CLUH: variants seen among roughly 807,000 people sequenced by gnomAD.
CLUH encodes CLUH binding protein of NUMT mRNA, also known as clustered mitochondria protein homolog.
In CLUH, 77 loss-of-function variants were observed where a neutral mutation model predicts 139.3. That is an observed-to-expected ratio of 0.55 (90% confidence interval 0.46 to 0.67). The LOEUF (loss-of-function observed/expected upper bound fraction) is 0.67, where lower values mean the gene tolerates loss of function less well. Among genes scored for constraint, CLUH ranks in the 30% least tolerant of loss-of-function variants. CLUH has a pLI of 0.00. For missense variants in CLUH, 1,876 were observed against 1,875.8 expected (o/e 1.00, Z 0.00); for synonymous variants, 999 against 801.6 (o/e 1.25, Z -4.16).
chr17:2,703,454 C>T lies in CLUH; in HGVS notation c.339G>A (p.Gln113=), dbSNP rs1384054163. The change falls in exon 3 of 26, where the codon CAG becomes CAA. Residue 113 remains glutamine (Q), a synonymous_variant. Transcript: ENST00000651024. This position sits in a 1 kb window ranked among gnomAD's most constrained non-coding sequence, Gnocchi z 4.2. The part of the protein sequence containing the change: ...SPQEMVQEIH[Q]VLMDREDTCH... ...ACGTGTCCTCCCGGTCCATGAGCAC[C>T]TGGTGAATCTCCTGCACCATCTCCT... The T allele has an allele frequency of 1.9e-6, 3 of 1,613,612 alleles. No individual in the cohort carries two copies. The African/African-American group carries it at 4.0e-5, about 22-fold the overall frequency.
At chr17:2,700,865 A>C (rs2070152685) in intron 7 of CLUH, 40 bp from the exon 8 acceptor site, 1 of 1,505,520 alleles carries the variant, frequency 6.6e-7, no homozygotes, top group Admixed American at 2.3e-5. Context: ...GCAGCCCACC[A>C]AGCTCAGAGC....
chr17:2,691,423 G>A (rs1460398442), intron 25 of CLUH, 186 bp downstream of exon 25: 17 of 601,832 alleles, frequency 2.8e-5, no homozygotes, highest in African/African-American at 1.9e-4. Flanking sequence ...TGAGCCGGGC[G>A]AGGTGGCGGA....
chr17:2,693,347 T>C (rs903164994), intron 19 of CLUH, among the ~76,000 whole-genome samples: 4 of 152,044 alleles, frequency 2.6e-5, no homozygotes, highest in Admixed American at 2.0e-4. Flanking sequence ...AGGGAGTCGA[T>C]ATCACGCCAC....
intron 14 of CLUH, 26 bp from the exon 15 acceptor site, chr17:2,695,306 T>TG (rs1185936000): frequency 1.9e-5 from 30 of 1,613,642 alleles, no homozygotes; most frequent in Non-Finnish European, 2.4e-5. Context: ...AGGGAGGTCT[T>TG]GGTCAGGCCC....
chr17:2,703,546 G>C lies in CLUH; in HGVS notation c.304-57C>G. ...AGAGAGCACGTAGCGGGGAGAGAAG[G>C]CCCCAACCGCCCCGGTGAGAGGCCA... On this transcript the variant is annotated intron_variant, in intron 2 of 25. Transcript: ENST00000651024. This position sits in a 1 kb window ranked among gnomAD's most constrained non-coding sequence, Gnocchi z 4.2. 4 of 1,559,344 alleles carry C rather than the reference G, an allele frequency of 2.6e-6. No individual in the cohort carries two copies. In the East Asian group the frequency reaches 9.0e-5, roughly 35 times the overall value.
At chr17:2,691,540 G>A (rs1288411139) in intron 25 of CLUH, 69 bp downstream of exon 25, 3 of 1,484,062 alleles carry the variant, frequency 2.0e-6, no homozygotes, top group Non-Finnish European at 2.8e-6. Context: ...CAGCCCGGGT[G>A]ACAGGGCGAG....
intron 14 of CLUH, 39 bp downstream of exon 14, chr17:2,695,335 C>T (rs1380011285): frequency 1.2e-6 from 2 of 1,613,134 alleles, no homozygotes; most frequent in African/African-American, 1.3e-5. Flanking sequence ...CATCCCAGTC[C>T]CACAGCTCCC....
Position 2,707,848 on chromosome 17 carries a change from G to A in CLUH, c.101-3284C>T. The A allele has an allele frequency of 1.0e-6, 1 of 985,440 alleles. No individual in the cohort carries two copies. The highest frequency in any genetic ancestry group is 1.2e-6 in the Non-Finnish European group (1 of 829,924). 61.0% of individuals were successfully genotyped at this position (985,440 alleles called of 1,614,324 possible). ...TCCTGCTGCCCCCTGCAGGTGACCT[G>A]GCTGCCAGCCCCTTCCTGGGAGTCA... On this transcript the variant is annotated intron_variant, in intron 1 of 25. Transcript: ENST00000651024. This position sits in a 1 kb window ranked among gnomAD's most constrained non-coding sequence, Gnocchi z 7.4.
rs73976572 is a variant in CLUH, at chr17:2,706,841, C to T, written c.101-2277G>A. Among the ~76,000 whole-genome samples, 1,326 of 152,246 alleles carry T rather than the reference C, an allele frequency of 8.7e-3. 28 individuals are homozygous for T. The highest frequency in any genetic ancestry group is 0.03 in the African/African-American group (1,254 of 41,534). ...AACAGCAGTTTTGAGCTATGAGATC[C>T]CAAAAGTGGGGAGTCAAATACCTAG... On this transcript the variant is annotated intron_variant, in intron 1 of 25. Transcript: ENST00000651024. This position sits in a 1 kb window ranked among gnomAD's most constrained non-coding sequence, Gnocchi z 4.6.
chr17:2,707,604 G>A lies in CLUH; in HGVS notation c.101-3040C>T. The A allele has an allele frequency of 1.0e-6, 1 of 985,394 alleles. No individual in the cohort carries two copies. Among genetic ancestry groups the A allele is most frequent in the Non-Finnish European group, 1.2e-6 (1 of 829,884 alleles). The allele number at this position is 985,394 out of a possible 1,614,324, so 61.0% of individuals were successfully genotyped here. A position where few individuals can be genotyped will look rare whatever the true frequency, so the allele number is the denominator to read the frequency against. ...TGGGGTACCTGGACCCCTCAAGATT[G>A]AGGGCCTAGGAGACTGGCTGGCAGG... On this transcript the variant is annotated intron_variant, in intron 1 of 25. Transcript: ENST00000651024. This position sits in a 1 kb window ranked among gnomAD's most constrained non-coding sequence, Gnocchi z 7.4.
chr17:2,709,290 G>C (rs734957), intron 1 of CLUH, among the ~76,000 whole-genome samples: 4,805 of 152,092 alleles, frequency 0.032, 255 homozygotes, highest in African/African-American at 0.11. Flanking sequence ...CACCCGTCCC[G>C]GGAGCCCAGG....
At chr17:2,697,249 A>C (rs956080696) in intron 10 of CLUH, among the ~76,000 whole-genome samples, 2 of 151,940 alleles carry the variant, frequency 1.3e-5, no homozygotes, top group Non-Finnish European at 2.9e-5. Flanking sequence ...AATACAAAAA[A>C]TTAGCTGGGC....
chr17:2,696,287 G>C (rs1200968044), intron 12 of CLUH, 28 bp from the exon 13 acceptor site: 20 of 1,548,838 alleles, frequency 1.3e-5, no homozygotes, highest in Non-Finnish European at 1.7e-5. Context: ...GAGAGGCTGA[G>C]CCAGGCAGTG....
intron 12 of CLUH, 59 bp from the exon 13 acceptor site, chr17:2,696,318 C>T (rs2302200): frequency 1.3e-6 from 2 of 1,513,468 alleles, no homozygotes; most frequent in South Asian, 1.2e-5. Context: ...TGCCGCCTGG[C>T]GCTGGCGGGG....
intron 10 of CLUH, 146 bp from the exon 11 acceptor site, chr17:2,697,088 C>A: frequency 3.2e-6 from 2 of 633,240 alleles, no homozygotes; most frequent in Non-Finnish European, 5.4e-6. Context: ...GCAGAAAAAC[C>A]AAGATCTCCC....
In CLUH at chr17:2,691,945, GCCC is replaced by G. The variant is rs748010980; in HGVS notation, c.3655-53_3655-51del. The G allele has an allele frequency of 1.0e-5, 12 of 1,172,288 alleles. No individual in the cohort carries two copies. The South Asian group carries it at 1.6e-4, about 15-fold the overall frequency. The allele number at this position is 1,172,288 out of a possible 1,614,324, so 72.6% of individuals were successfully genotyped here. On this transcript the variant is annotated intron_variant, in intron 23 of 25. Coordinates refer to ENST00000651024, the MANE Select transcript of CLUH (RefSeq NM_001366661.1). ...GGCCCCCCCGTGCCCCCGCGGCCCC[GCCC>G]CCGCCCCGCCACGCCCCCGCCCCGC...
At chr17:2,692,170 CG>C in intron 22 of CLUH, 73 bp from the exon 23 acceptor site, 1 of 1,483,110 alleles carries the variant, frequency 6.7e-7, no homozygotes, top group South Asian at 1.2e-5. Flanking sequence ...CTCGGGGGCC[CG>C]GGGTCTCCCG....
At chr17:2,702,926 G>A (rs2070234401) in intron 3 of CLUH, among the ~76,000 whole-genome samples, 1 of 152,058 alleles carries the variant, frequency 6.6e-6, no homozygotes, top group Admixed American at 6.6e-5. Flanking sequence ...CCAGGTTCAA[G>A]TGATTCTCCT....
intron 25 of CLUH, among the ~76,000 whole-genome samples, chr17:2,691,247 G>A (rs773881675): frequency 1.3e-5 from 2 of 152,184 alleles, no homozygotes; most frequent in East Asian, 1.9e-4. Flanking sequence ...CTTCACTCGC[G>A]GAATGCGAGG....
Sources: allele counts gnomAD v4.1 joint callset (sites outside exome capture counted in the v4.1 genomes callset), GRCh38; gene constraint gnomAD v4.1.1; non-coding constraint Gnocchi (gnomAD v3.1); transcripts MANE v1.5; gene names NCBI Gene and HGNC (gene_info 2026-07-23, HGNC 2026-07-21).